KLRD1: variants seen among roughly 807,000 people sequenced by gnomAD.
KLRD1 encodes the protein natural killer cells antigen CD94.
KLRD1 carries 21 observed loss-of-function variants against 22.6 expected under a neutral mutation model. The observed-to-expected ratio is 0.93, with a 90% CI of 0.66 to 1.34. The LOEUF is 1.34. Ranked by LOEUF, KLRD1 falls within the 40% of genes most tolerant of loss-of-function variation. KLRD1 has a pLI of 0.00. For synonymous variants in KLRD1, 59 were observed against 71.1 expected (o/e 0.83, Z 0.85); for missense variants, 183 against 208.6 (o/e 0.88, Z 0.76).
chr12:10,283,803 A>T (rs60361310), intron 1 of KLRD1, among the ~76,000 whole-genome samples: 4,200 of 152,174 alleles, frequency 0.028, 190 homozygotes, highest in African/African-American at 0.096. Flanking sequence ...AAAGTGACTG[A>T]CAGAGTGGAA....
At chr12:10,250,733 T>G (rs1457789356) in intron 1 of KLRD1, among the ~76,000 whole-genome samples, 1 of 152,150 alleles carries the variant, frequency 6.6e-6, no homozygotes, top group Non-Finnish European at 1.5e-5. Flanking sequence ...AACACCCCTT[T>G]GATTATTAAC....
At chr12:10,243,636 G>GAAAAAAAAAAAA (rs1949263487) in intron 1 of KLRD1, among the ~76,000 whole-genome samples, 1 of 124,420 alleles carries the variant, frequency 8.0e-6, no homozygotes, top group Non-Finnish European at 1.6e-5. Flanking sequence ...AAAAAAAACC[G>GAAAAAAAAAAAA]AAATGAAAGA....
intron 1 of KLRD1, among the ~76,000 whole-genome samples, chr12:10,256,093 A>C (rs949556243): frequency 6.6e-6 from 1 of 151,898 alleles, no homozygotes; most frequent in Non-Finnish European, 1.5e-5. Context: ...TCTTTTATAT[A>C]TATACATTTA....
Position 10,322,808 on chromosome 12 carries a change from T to G in KLRD1, c.*8015T>G, listed in dbSNP as rs926355415. The G allele has an allele frequency of 3.3e-5, 5 of 152,184 alleles. No homozygotes were observed. The highest frequency in any genetic ancestry group is 7.4e-5 in the Non-Finnish European group (5 of 68,026). The allele number at this position is 152,184 out of a possible 1,614,324, so 9.4% of individuals were successfully genotyped here. A position where few individuals can be genotyped will look rare whatever the true frequency, so the allele number is the denominator to read the frequency against. On this transcript the variant is annotated 3_prime_UTR_variant, in exon 6 of 6. Coordinates refer to ENST00000336164, the MANE Select transcript of KLRD1 (RefSeq NM_002262.5). ...AGAGACTACCTACCACCACCAAGAC[T>G]CTCTTGCTGTTTGCTAATTGATACT...
At chr12:10,285,337 A>G (rs1949691375) in intron 1 of KLRD1, among the ~76,000 whole-genome samples, 1 of 152,222 alleles carries the variant, frequency 6.6e-6, no homozygotes, top group South Asian at 2.1e-4. Context: ...AACCACAGCC[A>G]GTCAAGTCAC....
intron 5 of KLRD1, among the ~76,000 whole-genome samples, chr12:10,314,433 AC>A (rs1488586053): frequency 6.6e-6 from 1 of 152,222 alleles, no homozygotes; most frequent in Non-Finnish European, 1.5e-5. Flanking sequence ...ATTAATGACA[AC>A]AGAAAAACAG....
Position 10,317,263 on chromosome 12 carries a change from G to A in KLRD1, c.*2470G>A, listed in dbSNP as rs1424421714. 6.6e-6 allele frequency: 1 copy of A among 152,168 alleles called. No homozygotes were observed. The highest frequency in any genetic ancestry group is 2.4e-5 in the African/African-American group (1 of 41,446). 9.4% of individuals were successfully genotyped at this position (152,168 alleles called of 1,614,324 possible). A position where few individuals can be genotyped will look rare whatever the true frequency, so the allele number is the denominator to read the frequency against. ...AACATACGTGTGCATGTGAGGACAA[G>A]TAATTATTTTCTGTTTTTCTCAATA... On this transcript the variant is annotated 3_prime_UTR_variant, in exon 6 of 6. Coordinates refer to ENST00000336164, the MANE Select transcript of KLRD1 (RefSeq NM_002262.5).
rs958115442 is a variant in KLRD1 at position 10,327,826 on chromosome 12, A to C, written c.*13033A>C. 6.6e-6 allele frequency: 1 copy of C among 152,186 alleles called. No homozygotes were observed. Among genetic ancestry groups the C allele is most frequent in the East Asian group, 1.9e-4 (1 of 5,204 alleles). The allele number at this position is 152,186 out of a possible 1,614,324, so 9.4% of individuals were successfully genotyped here. ...CATATAGGGCCTTCAAAATGTTGAA[A>C]TATTTTTCTCAAATTCTAGGTTGGC... On this transcript the variant is annotated 3_prime_UTR_variant, in exon 6 of 6. Transcript: ENST00000336164.
intron 1 of KLRD1, among the ~76,000 whole-genome samples, chr12:10,239,458 C>CT (rs1565443134): frequency 3.3e-5 from 1 of 30,478 alleles, no homozygotes; most frequent in African/African-American, 1.0e-4. Flanking sequence ...TCCTTCCTTC[C>CT]TTCCTTCCTT....
chr12:10,309,237 C>T lies in KLRD1; in HGVS notation c.8-151C>T, dbSNP rs182772668. The T allele has an allele frequency of 6.0e-5, 33 of 550,708 alleles. No individual in the cohort carries two copies. The Admixed American group carries it at 7.6e-4, about 13-fold the overall frequency. 34.1% of individuals were successfully genotyped at this position (550,708 alleles called of 1,614,324 possible). A position where few individuals can be genotyped will look rare whatever the true frequency, so the allele number is the denominator to read the frequency against. ...AAAATGTTGGTATTGGGTGAAGTCCCGATTGGAAAGTCTTCAGTGTTTTAT... is the reference window on the plus strand; with the variant it reads ...AAAATGTTGGTATTGGGTGAAGTCCTGATTGGAAAGTCTTCAGTGTTTTAT... On this transcript the variant is annotated intron_variant, in intron 1 of 5. Coordinates refer to ENST00000336164, the MANE Select transcript of KLRD1 (RefSeq NM_002262.5).
intron 1 of KLRD1, among the ~76,000 whole-genome samples, chr12:10,256,595 A>T (rs1277317513): frequency 6.6e-6 from 1 of 151,820 alleles, no homozygotes; most frequent in African/African-American, 2.4e-5. Context: ...CTCTACTCCT[A>T]CACAGCTCCA....
At chr12:10,242,352 A>G (rs997842332) in intron 1 of KLRD1, among the ~76,000 whole-genome samples, 3 of 152,144 alleles carry the variant, frequency 2.0e-5, no homozygotes, top group African/African-American at 4.8e-5. Flanking sequence ...CACATTACAC[A>G]AAGCGATCTT....
chr12:10,325,514 G>A lies in KLRD1; in HGVS notation c.*10721G>A, dbSNP rs975716796. ...TGAGGCTTTATGCCCTTTGATTAAC[G>A]ACGTCCCATTTTTTCCTCTCTCCAT... On this transcript the variant is annotated 3_prime_UTR_variant, in exon 6 of 6. Transcript: ENST00000336164. 1 of 151,946 alleles carries A rather than the reference G, an allele frequency of 6.6e-6. No homozygotes were observed. Among genetic ancestry groups the A allele is most frequent in the Non-Finnish European group, 1.5e-5 (1 of 67,982 alleles). 9.4% of individuals were successfully genotyped at this position (151,946 alleles called of 1,614,324 possible).
In KLRD1 at chr12:10,287,455, A is replaced by C. The variant is rs115257723; in HGVS notation, c.-100-20523A>C. Among the ~76,000 whole-genome samples the C allele has an allele frequency of 5.6e-3, 849 of 152,310 alleles. 10 individuals are homozygous for C. The highest frequency in any genetic ancestry group is 0.02 in the African/African-American group (811 of 41,568). The stretch of plus-strand genomic sequence containing the variant: ...ACAAATAATGAGAGCATTTCCTCCC[A>C]TGAAACCTAACTTCAAACAAATCCA... On this transcript the variant is annotated intron_variant, in intron 1 of 5. Transcript: ENST00000544747.
upstream of KLRD1, among the ~76,000 whole-genome samples, chr12:10,300,586 A>G (rs554765475): frequency 1.3e-5 from 2 of 152,352 alleles, no homozygotes; most frequent in African/African-American, 4.8e-5. Context: ...AAGGCCCTAA[A>G]GTTTCAGAAA....
chr12:10,276,697 A>C (rs1243666223), intron 1 of KLRD1, among the ~76,000 whole-genome samples: 1 of 11,442 alleles, frequency 8.7e-5, no homozygotes, highest in Non-Finnish European at 2.4e-4. Flanking sequence ...AAATTTGACA[A>C]AAAAAAAAAA....
chr12:10,267,403 T>A (rs1949510428), intron 1 of KLRD1, among the ~76,000 whole-genome samples: 1 of 152,176 alleles, frequency 6.6e-6, no homozygotes, highest in South Asian at 2.1e-4. Context: ...TTATTAGGTA[T>A]ATCAGTTTAT....
chr12:10,293,169 C>CATATATATAT (rs1565462121), intron 1 of KLRD1, among the ~76,000 whole-genome samples: 2 of 19,652 alleles, frequency 1.0e-4, no homozygotes, highest in Non-Finnish European at 1.4e-4. Context: ...TATATATATA[C>CATATATATAT]ACATATACAC....
At position 10,312,765 on chromosome 12, in the gene KLRD1, G is replaced by A. The variant is rs569778625; in HGVS notation, c.316-645G>A. On this transcript the variant is annotated intron_variant, in intron 4 of 5. Transcript: ENST00000336164. Reference sequence around the variant, plus strand: ...AGCACTTTGGGAGGCCGAGGAGGGCGGATCACAGTCAGGAGATCGAGACCA... The same window carrying A: ...AGCACTTTGGGAGGCCGAGGAGGGCAGATCACAGTCAGGAGATCGAGACCA... Among the ~76,000 whole-genome samples the A allele has an allele frequency of 1.4e-3, 218 of 150,714 alleles. 1 individual carries two copies. The highest frequency in any genetic ancestry group is 5.2e-3 in the African/African-American group (213 of 41,248).
Sources: gnomAD v4.1 joint callset for allele counts (sites outside exome capture counted in the v4.1 genomes callset) on GRCh38, gnomAD v4.1.1 for gene constraint, MANE v1.5 for transcripts, NCBI Gene and HGNC (gene_info 2026-07-23, HGNC 2026-07-21) for gene names.